The following CEP112 variants were observed in gnomAD, a reference collection of about 807,000 sequenced individuals.
The protein encoded by CEP112 is centrosomal protein 112.
In CEP112, 127 loss-of-function variants were observed where a neutral mutation model predicts 153.0. That is an observed-to-expected ratio of 0.83 (90% CI 0.72 to 0.96). The LOEUF (loss-of-function observed/expected upper bound fraction) is 0.96, where lower values mean the gene tolerates loss of function less well. Ranked by LOEUF, CEP112 falls within the 40% of genes least tolerant of loss-of-function variation. The pLI is 0.00. For synonymous variants in CEP112, 358 were observed against 374.4 expected, an observed-to-expected ratio of 0.96 and a Z score of 0.51; for missense variants, 1,089 against 1,101.2, an observed-to-expected ratio of 0.99 and a Z score of 0.16.
chr17:66,095,086 C>T (rs189110808), intron 8 of CEP112, among the ~76,000 whole-genome samples: 16 of 152,176 alleles, frequency 1.1e-4, no homozygotes, highest in Admixed American at 2.6e-4. Flanking sequence ...AAAAACAGTA[C>T]GAGGGTTCCT....
At chr17:65,678,271 C>CAT (rs1201157130) in intron 24 of CEP112, among the ~76,000 whole-genome samples, 1 of 152,084 alleles carries the variant, frequency 6.6e-6, no homozygotes, top group Non-Finnish European at 1.5e-5. Context: ...GGAACATAAA[C>CAT]ATATATATTC....
intron 23 of CEP112, among the ~76,000 whole-genome samples, chr17:65,729,465 T>C (rs187591386): frequency 8.5e-5 from 13 of 152,254 alleles, no homozygotes; most frequent in Non-Finnish European, 1.3e-4. Flanking sequence ...ATCTAATACA[T>C]ATTAAATTGA....
intron 20 of CEP112, among the ~76,000 whole-genome samples, chr17:65,855,986 C>T (rs1238115923): frequency 6.6e-6 from 1 of 152,032 alleles, no homozygotes; most frequent in Non-Finnish European, 1.5e-5. Flanking sequence ...ATCAATTGAG[C>T]CCAGGAGGCT....
rs2044731372 is a variant in CEP112, at chr17:65,635,570, G to C, written c.*401C>G. ...ACAAAATAATATTTTAATAACATAG[G>C]AACATGAACATGAAAACAATGTAAA... On this transcript the variant is annotated 3_prime_UTR_variant, in exon 27 of 27. Transcript: ENST00000535342. 4.9e-6 allele frequency: 1 copy of C among 204,702 alleles called. No homozygotes were observed. Among genetic ancestry groups the C allele is most frequent in the Non-Finnish European group, 9.7e-6 (1 of 103,448 alleles). The allele number at this position is 204,702 out of a possible 1,614,324, so 12.7% of individuals were successfully genotyped here.
rs1171055734 is a variant in CEP112 at position 66,069,920 on chromosome 17, G to A, written c.850C>T (p.Gln284Ter). ...ACACGAGATATATATCCTACCTTCT[G>A]AACATCAGCATCATGTTTCTGTTGC... is the stretch of plus-strand genomic sequence containing the variant. ...KLQQKHDADV[Q>*]KILERKNNEI... The change falls in exon 9 of 27, where the codon CAG becomes TAG. Residue 284 changes from glutamine (Q) to a stop codon, truncating the protein, a stop_gained. Coordinates refer to ENST00000535342, the MANE Select transcript of CEP112 (RefSeq NM_001199165.4). LOFTEE classifies it high-confidence loss of function. 3 of 1,581,642 alleles carry A rather than the reference G, an allele frequency of 1.9e-6. No homozygotes were observed. Among genetic ancestry groups the A allele is most frequent in the African/African-American group, 1.3e-5 (1 of 74,178 alleles).
intron 20 of CEP112, among the ~76,000 whole-genome samples, chr17:65,899,469 T>C (rs1356728485): frequency 6.6e-6 from 1 of 152,142 alleles, no homozygotes; most frequent in Non-Finnish European, 1.5e-5. Flanking sequence ...TTTCTATGTC[T>C]TATCATTGCT....
intron 20 of CEP112, among the ~76,000 whole-genome samples, chr17:65,864,134 C>CCTT (rs199770210): frequency 0.2 from 21,458 of 105,852 alleles, 1,592 homozygotes; most frequent in Non-Finnish European, 0.24. Context: ...GAGTGAGACT[C>CCTT]CTCAAAAAAA....
chr17:65,902,006 G>GAAAAAAAAAAA, intron 20 of CEP112, 146 bp downstream of exon 20: 3 of 243,084 alleles, frequency 1.2e-5, no homozygotes, highest in Non-Finnish European at 1.4e-5. Context: ...GGGTGGGGGG[G>GAAAAAAAAAAA]AGAAAAACAA....
chr17:66,031,486 GTTTTTT>G (rs71160520), intron 12 of CEP112, among the ~76,000 whole-genome samples: 4 of 21,398 alleles, frequency 1.9e-4, no homozygotes, highest in East Asian at 1.7e-3. Flanking sequence ...TTTTTTTTTT[GTTTTTT>G]TTTTTTTTTG....
intron 12 of CEP112, among the ~76,000 whole-genome samples, chr17:66,052,754 A>G (rs2066493631): frequency 6.6e-6 from 1 of 151,518 alleles, no homozygotes; most frequent in Non-Finnish European, 1.5e-5. Context: ...CATTAGCATT[A>G]TTTTCAGAAA....
chr17:66,131,746 C>CA (rs898977979), intron 5 of CEP112, among the ~76,000 whole-genome samples: 25 of 151,316 alleles, frequency 1.7e-4, no homozygotes, highest in African/African-American at 5.8e-4. Flanking sequence ...GACTCCATCA[C>CA]AAAAAAACAA....
chr17:65,738,931 A>G (rs1240913359), intron 23 of CEP112, among the ~76,000 whole-genome samples: 6 of 152,110 alleles, frequency 3.9e-5, no homozygotes, highest in African/African-American at 1.2e-4. Flanking sequence ...ATTGGCCACT[A>G]TTTCTCCTCT....
At chr17:65,669,677 G>A (rs1351234873) in intron 24 of CEP112, among the ~76,000 whole-genome samples, 1 of 152,210 alleles carries the variant, frequency 6.6e-6, no homozygotes, top group Non-Finnish European at 1.5e-5. Context: ...GCCAAGGCGG[G>A]TGGATCACGA....
intron 8 of CEP112, among the ~76,000 whole-genome samples, chr17:66,079,289 A>G (rs1407350243): frequency 6.6e-6 from 1 of 152,166 alleles, no homozygotes; most frequent in African/African-American, 2.4e-5. Flanking sequence ...TTGCATATGT[A>G]TATCAGGATA....
intron 21 of CEP112, among the ~76,000 whole-genome samples, chr17:65,824,159 C>T (rs1037393737): frequency 2.2e-4 from 33 of 152,172 alleles, no homozygotes; most frequent in African/African-American, 7.5e-4. Flanking sequence ...TGCTTACCAA[C>T]CCAGATATTT....
At chr17:65,917,784 C>T (rs1230730051) in intron 19 of CEP112, among the ~76,000 whole-genome samples, 1 of 152,002 alleles carries the variant, frequency 6.6e-6, no homozygotes, top group African/African-American at 2.4e-5. Flanking sequence ...CCCAGTATCT[C>T]CACCTTCTTG....
intron 19 of CEP112, among the ~76,000 whole-genome samples, chr17:65,920,359 C>CAAACAAAAAAAA (rs1178505560): frequency 6.7e-5 from 2 of 29,830 alleles, no homozygotes; most frequent in African/African-American, 2.6e-4. Context: ...AACAAACAAA[C>CAAACAAAAAAAA]AAAATATATA....
intron 18 of CEP112, among the ~76,000 whole-genome samples, chr17:65,954,012 T>G (rs1407966325): frequency 1.3e-5 from 2 of 152,178 alleles, no homozygotes; most frequent in Non-Finnish European, 2.9e-5. Flanking sequence ...GACGCACTCT[T>G]GAAGTGCCAC....
chr17:65,967,700 G>C (rs918538557), intron 17 of CEP112, among the ~76,000 whole-genome samples: 6 of 151,970 alleles, frequency 3.9e-5, no homozygotes, highest in Non-Finnish European at 8.8e-5. Context: ...AGGAAATAAA[G>C]GTATATAAGT....
Sources: allele counts gnomAD v4.1 joint callset (sites outside exome capture counted in the v4.1 genomes callset), GRCh38; gene constraint gnomAD v4.1.1; transcripts MANE v1.5; gene names NCBI Gene and HGNC (gene_info 2026-07-23, HGNC 2026-07-21).